Variants in CDK17 observed in about 807,000 individuals in gnomAD.
The protein encoded by CDK17 is cyclin-dependent kinase 17.
A neutral mutation model predicts 77.6 loss-of-function variants in CDK17; 24 were observed. The observed-to-expected ratio is 0.31, with a 90% CI of 0.22 to 0.44. CDK17 has a LOEUF of 0.44. Among genes scored for constraint, CDK17 ranks in the 20% least tolerant of loss-of-function variants. The probability of loss-of-function intolerance (pLI) is 1.00; values close to 1 mark genes in which losing one functional copy is unlikely to be tolerated. For synonymous variants in CDK17, 203 were observed against 210.4 expected, an observed-to-expected ratio of 0.96 and a Z score of 0.30; for missense variants, 429 against 622.5, an observed-to-expected ratio of 0.69 and a Z score of 3.31.
At chr12:96,377,857 C>T (rs2137220865) in intron 1 of CDK17, among the ~76,000 whole-genome samples, 1 of 152,160 alleles carries the variant, frequency 6.6e-6, no homozygotes, top group South Asian at 2.1e-4. Flanking sequence ...CTACGCCCAG[C>T]TAATTTTTTG....
intron 1 of CDK17, among the ~76,000 whole-genome samples, chr12:96,340,675 T>TA (rs1239957928): frequency 6.6e-6 from 1 of 152,180 alleles, no homozygotes; most frequent in Non-Finnish European, 1.5e-5. Context: ...TTTTGTGACA[T>TA]AAAAACTACT....
chr12:96,325,012 A>G (rs1270216436), intron 2 of CDK17, among the ~76,000 whole-genome samples: 1 of 152,166 alleles, frequency 6.6e-6, no homozygotes, highest in Non-Finnish European at 1.5e-5. Context: ...AAAAAAATAT[A>G]ATACTTAAAA....
chr12:96,283,530 C>T, intron 14 of CDK17, 73 bp downstream of exon 14: 1 of 844,062 alleles, frequency 1.2e-6, no homozygotes, highest in South Asian at 1.4e-5. Flanking sequence ...GGAAGTACTA[C>T]TGAGCCCATT....
chr12:96,305,781 C>T (rs1952569443), intron 5 of CDK17, among the ~76,000 whole-genome samples: 1 of 152,056 alleles, frequency 6.6e-6, no homozygotes, highest in Non-Finnish European at 1.5e-5. Context: ...TGCAGTGGTG[C>T]AATCATGGCT....
intron 1 of CDK17, among the ~76,000 whole-genome samples, chr12:96,393,614 G>C (rs1232987058): frequency 6.6e-6 from 1 of 151,822 alleles, no homozygotes; most frequent in African/African-American, 2.4e-5. Context: ...TGAACCTGTA[G>C]TCCCAGCTAT....
intron 1 of CDK17, among the ~76,000 whole-genome samples, chr12:96,369,338 A>G (rs976958246): frequency 6.6e-6 from 1 of 152,214 alleles, no homozygotes; most frequent in African/African-American, 2.4e-5. Context: ...AAAAGTAAAG[A>G]AAAAACTTGA....
At chr12:96,370,884 G>A (rs1013112569) in intron 1 of CDK17, among the ~76,000 whole-genome samples, 62 of 151,680 alleles carry the variant, frequency 4.1e-4, no homozygotes, top group South Asian at 2.1e-4. Context: ...TTCTGTTTTC[G>A]TATCATTTCT....
intron 1 of CDK17, among the ~76,000 whole-genome samples, chr12:96,360,057 C>G (rs989120571): frequency 3.3e-5 from 5 of 152,074 alleles, no homozygotes; most frequent in Non-Finnish European, 5.9e-5. Flanking sequence ...ACACAAGAGC[C>G]TATAACATGC....
chr12:96,333,715 C>T (rs1479519903), intron 2 of CDK17, among the ~76,000 whole-genome samples: 1 of 148,428 alleles, frequency 6.7e-6, no homozygotes, highest in East Asian at 2.0e-4. Flanking sequence ...AAAACCTTAA[C>T]AAATGAATGA....
chr12:96,294,161 C>A lies in CDK17; in HGVS notation c.997+838G>T, dbSNP rs141601794. 4.5e-4 allele frequency among the ~76,000 whole-genome samples: 68 copies of A among 152,304 alleles called. 1 individual carries two copies. The East Asian group carries it at 0.012, about 26-fold the overall frequency. On this transcript the variant is annotated intron_variant, in intron 10 of 16. Coordinates refer to ENST00000261211, the MANE Select transcript of CDK17 (RefSeq NM_002595.5). The stretch of plus-strand genomic sequence containing the variant: ...GTGTGCAGCAAATGAGTTTTATGTA[C>A]ACTTCCCATTTTATCACATAAAATA...
chr12:96,310,247 C>A (rs1000343945), intron 5 of CDK17, among the ~76,000 whole-genome samples: 1 of 151,996 alleles, frequency 6.6e-6, no homozygotes, highest in African/African-American at 2.4e-5. Context: ...TGTATAACTT[C>A]CATACATACT....
At chr12:96,398,084 A>G (rs1413189474) in intron 1 of CDK17, among the ~76,000 whole-genome samples, 1 of 152,170 alleles carries the variant, frequency 6.6e-6, no homozygotes, top group African/African-American at 2.4e-5. Context: ...AAAAATAAAT[A>G]ATAACCTATA....
chr12:96,385,695 A>G (rs889391359), intron 1 of CDK17, among the ~76,000 whole-genome samples: 3 of 152,238 alleles, frequency 2.0e-5, no homozygotes, highest in African/African-American at 7.2e-5. Flanking sequence ...AAAAGCCAAG[A>G]TAATATTTGA....
chr12:96,296,936 C>T (rs1036150585), intron 9 of CDK17, among the ~76,000 whole-genome samples: 1 of 152,066 alleles, frequency 6.6e-6, no homozygotes, highest in African/African-American at 2.4e-5. Context: ...TTAAAGAAGG[C>T]CTTTCACAGA....
Position 96,324,019 on chromosome 12 carries a change from C to T in CDK17, c.212G>A (p.Arg71Gln), listed in dbSNP as rs1329466071. Residue 71 changes from arginine (R) to glutamine (Q), a missense_variant, in exon 3 of 17, where the codon CGG becomes CAG. Physicochemically the swap from Arg to Gln is conservative, Grantham distance 43 (BLOSUM62 1). Coordinates refer to ENST00000261211, the MANE Select transcript of CDK17 (RefSeq NM_002595.5). ...CCCTCCAATAACACTGTGTGGTCTC[C>T]GCAATGGGGGCTTCTTGAAAGATCC... ...YTGSFKKPPL[R>Q]RPHSVIGGSL... 1.2e-6 allele frequency: 2 copies of T among 1,611,968 alleles called. No individual in the cohort carries two copies. Among genetic ancestry groups the T allele is most frequent in the Non-Finnish European group, 1.7e-6 (2 of 1,178,950 alleles).
At chr12:96,398,646 G>A (rs561930374) in intron 1 of CDK17, among the ~76,000 whole-genome samples, 3 of 152,174 alleles carry the variant, frequency 2.0e-5, no homozygotes, top group Non-Finnish European at 4.4e-5. Flanking sequence ...ACTCAAAAAA[G>A]AAACAGCAAA....
intron 1 of CDK17, among the ~76,000 whole-genome samples, chr12:96,399,646 C>A (rs1322948723): frequency 2.0e-5 from 3 of 152,130 alleles, no homozygotes; most frequent in Non-Finnish European, 1.5e-5. Context: ...CTCCGCCTCG[C>A]GAGGAGACCG....
chr12:96,322,493 C>CAA (rs779736856), intron 3 of CDK17, among the ~76,000 whole-genome samples: 1,465 of 107,948 alleles, frequency 0.014, 39 homozygotes, highest in Admixed American at 0.083. Flanking sequence ...TGCCCCCTTA[C>CAA]AAAAAAAAAA....
At chr12:96,301,756 A>G (rs1194100230) in intron 5 of CDK17, among the ~76,000 whole-genome samples, 1 of 152,120 alleles carries the variant, frequency 6.6e-6, no homozygotes, top group African/African-American at 2.4e-5. Flanking sequence ...TAAATACGCA[A>G]TTTTCCTTGG....
Sources: allele counts gnomAD v4.1 joint callset (sites outside exome capture counted in the v4.1 genomes callset), GRCh38; gene constraint gnomAD v4.1.1; transcripts MANE v1.5; gene names NCBI Gene and HGNC (gene_info 2026-07-23, HGNC 2026-07-21).